Variants in TMT1A observed in about 807,000 individuals in gnomAD.
TMT1A encodes the protein thiol methyltransferase 1A, also known as thiol S-methyltransferase TMT1A.
the TMT1A span, chr12:50,930,090 C>CCAGG: frequency 1.2e-6 from 2 of 1,613,926 alleles, no homozygotes; most frequent in Admixed American, 3.3e-5. Context: ...TGCAGCACAT[C>CCAGG]CAGGCCCCAC....
At chr12:50,929,281 A>G in the TMT1A span, among the ~76,000 whole-genome samples, 58 of 152,286 alleles carry the variant, frequency 3.8e-4, no homozygotes, top group African/African-American at 1.4e-3. Flanking sequence ...CAATTTTTCT[A>G]TTCGTAACAT....
the TMT1A span, among the ~76,000 whole-genome samples, chr12:50,928,899 A>T: frequency 6.6e-6 from 1 of 152,022 alleles, no homozygotes; most frequent in African/African-American, 2.4e-5. Flanking sequence ...GACCTCCCCA[A>T]ACCTGCCTCT....
At chr12:50,929,192 G>A in the TMT1A span, among the ~76,000 whole-genome samples, 3 of 152,272 alleles carry the variant, frequency 2.0e-5, no homozygotes, top group Admixed American at 6.5e-5. Flanking sequence ...CTGAGACTGT[G>A]CCACTGCATT....
At chr12:50,925,362 C>G in the TMT1A span, 1 of 1,614,064 alleles carries the variant, frequency 6.2e-7, no homozygotes, top group African/African-American at 1.3e-5. Context: ...AGTTTTTGAT[C>G]AAGAGCATTG....
chr12:50,929,587 C>T, the TMT1A span, among the ~76,000 whole-genome samples: 1 of 152,176 alleles, frequency 6.6e-6, no homozygotes. Flanking sequence ...TTGCTAATTC[C>T]TACAAAGAGT....
chr12:50,931,970 G>A, the TMT1A span: 1 of 152,148 alleles, frequency 6.6e-6, no homozygotes, highest in African/African-American at 2.4e-5. Flanking sequence ...ACCTAGTTCT[G>A]CCCAGCTTTA....
the TMT1A span, chr12:50,925,277 G>A: frequency 1.9e-6 from 3 of 1,614,198 alleles, no homozygotes; most frequent in Non-Finnish European, 2.5e-6. Context: ...GTGGGCTGTG[G>A]CACGGGGGCC....
the TMT1A span, chr12:50,930,133 G>C: frequency 6.2e-7 from 1 of 1,607,874 alleles, no homozygotes; most frequent in South Asian, 1.1e-5. Flanking sequence ...TCATATCTAT[G>C]GATATGCTGT....
At chr12:50,928,337 G>A in the TMT1A span, among the ~76,000 whole-genome samples, 14 of 152,178 alleles carry the variant, frequency 9.2e-5, no homozygotes, top group Non-Finnish European at 1.6e-4. Flanking sequence ...AAATAGGCAC[G>A]TGAACATGGA....
At chr12:50,925,148 C>T in the TMT1A span, 1 of 1,614,180 alleles carries the variant, frequency 6.2e-7, no homozygotes, top group East Asian at 2.2e-5. Context: ...AAATGGTTCC[C>T]CTACTTCTTG....
the TMT1A span, chr12:50,925,318 G>A: frequency 1.2e-6 from 2 of 1,614,210 alleles, no homozygotes; most frequent in Admixed American, 1.7e-5. Context: ...TGGGTGCAGG[G>A]TGACCTGTAT....
the TMT1A span, among the ~76,000 whole-genome samples, chr12:50,926,016 C>CAAAAAA: frequency 4.1e-3 from 107 of 25,902 alleles, no homozygotes; most frequent in Middle Eastern, 0.024. Context: ...AACTCCATCT[C>CAAAAAA]AAAAAAAAAA....
the TMT1A span, chr12:50,930,168 G>A: frequency 6.5e-7 from 1 of 1,542,270 alleles, no homozygotes. Context: ...TGGCAGTTAA[G>A]AGCTGAATGG....
At chr12:50,925,586 G>C in the TMT1A span, 4 of 1,576,406 alleles carry the variant, frequency 2.5e-6, no homozygotes, top group Non-Finnish European at 3.5e-6. Flanking sequence ...TATTATCATA[G>C]AGGGCAGGCC....
chr12:50,929,050 C>T, the TMT1A span, among the ~76,000 whole-genome samples: 1 of 151,866 alleles, frequency 6.6e-6, no homozygotes, highest in East Asian at 1.9e-4. Context: ...CCAGCCTGGG[C>T]AATGCGGCGA....
chr12:50,930,246 G>T, the TMT1A span: 3 of 1,039,072 alleles, frequency 2.9e-6, no homozygotes, highest in South Asian at 2.0e-5. Flanking sequence ...CCTTTTTTTT[G>T]GGGGGCGGTT....
At chr12:50,928,585 C>T in the TMT1A span, among the ~76,000 whole-genome samples, 2 of 152,206 alleles carry the variant, frequency 1.3e-5, no homozygotes, top group Non-Finnish European at 2.9e-5. Context: ...CTTATCTGCA[C>T]AAAACATCTC....
the TMT1A span, chr12:50,925,481 G>C: frequency 1.9e-6 from 3 of 1,614,158 alleles, no homozygotes. Context: ...CTGGTGCTGT[G>C]CTCTGTGAAG....
At chr12:50,929,476 T>A in the TMT1A span, among the ~76,000 whole-genome samples, 1 of 152,204 alleles carries the variant, frequency 6.6e-6, no homozygotes, top group Non-Finnish European at 1.5e-5. Flanking sequence ...GAGGTAGATA[T>A]GTAGAAAACT....
Sources: allele counts gnomAD v4.1 joint callset (sites outside exome capture counted in the v4.1 genomes callset), GRCh38; gene constraint gnomAD v4.1.1; transcripts MANE v1.5; gene names NCBI Gene and HGNC (gene_info 2026-07-23, HGNC 2026-07-21).